Variants in PDE1A observed in about 807,000 individuals in gnomAD.
PDE1A encodes dual specificity calcium/calmodulin-dependent 3',5'-cyclic nucleotide phosphodiesterase 1A.
Under a neutral mutation model 61.7 loss-of-function variants are expected in PDE1A, and 35 were observed. That is an observed-to-expected ratio of 0.57 (90% CI 0.43 to 0.75). The LOEUF (loss-of-function observed/expected upper bound fraction) is 0.75, where lower values mean the gene tolerates loss of function less well. PDE1A is among the 30% of genes least tolerant of loss of function. The pLI is 0.00. For synonymous variants in PDE1A, 232 were observed against 213.2 expected, an observed-to-expected ratio of 1.09 and a Z score of -0.77; for missense variants, 597 against 630.6, an observed-to-expected ratio of 0.95 and a Z score of 0.57.
chr2:182,462,022 G>A (rs1485210383), intron 2 of PDE1A, among the ~76,000 whole-genome samples: 2 of 152,094 alleles, frequency 1.3e-5, no homozygotes, highest in South Asian at 4.2e-4. Flanking sequence ...TAAACCAAGG[G>A]GGCTCATTCT....
chr2:182,225,688 T>C (rs766756459), intron 6 of PDE1A, among the ~76,000 whole-genome samples: 1 of 139,244 alleles, frequency 7.2e-6, no homozygotes, highest in Non-Finnish European at 1.5e-5. Flanking sequence ...GGTTAATGTA[T>C]GCACTGCACC....
At chr2:182,292,110 C>CT (rs537338919) in intron 1 of PDE1A, among the ~76,000 whole-genome samples, 23 of 151,974 alleles carry the variant, frequency 1.5e-4, no homozygotes, top group Non-Finnish European at 2.2e-4. Flanking sequence ...AAGAAATATT[C>CT]TTTTTGAAAT....
chr2:182,332,974 A>C (rs769771288), intron 1 of PDE1A, among the ~76,000 whole-genome samples: 1 of 152,248 alleles, frequency 6.6e-6, no homozygotes, highest in Non-Finnish European at 1.5e-5. Flanking sequence ...ATATCAGCAT[A>C]GGCAAAGAAG....
intron 2 of PDE1A, among the ~76,000 whole-genome samples, chr2:182,486,513 G>A (rs1171829100): frequency 6.6e-6 from 1 of 152,022 alleles, no homozygotes; most frequent in Non-Finnish European, 1.5e-5. Flanking sequence ...AAAGAACAAA[G>A]TTGGAGGATT....
intron 2 of PDE1A, among the ~76,000 whole-genome samples, chr2:182,258,733 T>C (rs1692005485): frequency 6.6e-6 from 1 of 152,236 alleles, no homozygotes; most frequent in Admixed American, 6.5e-5. Context: ...CCTGCAAGTC[T>C]AGAAGTCTAG....
intron 1 of PDE1A, among the ~76,000 whole-genome samples, chr2:182,297,777 A>T (rs1176915039): frequency 2.6e-5 from 4 of 152,102 alleles, no homozygotes; most frequent in African/African-American, 7.2e-5. Context: ...TTCCAGAATC[A>T]CACCTTGATT....
chr2:182,218,659 T>TATCA (rs2125583542), intron 7 of PDE1A, among the ~76,000 whole-genome samples: 1 of 152,236 alleles, frequency 6.6e-6, no homozygotes, highest in East Asian at 1.9e-4. Context: ...TTGGAGTTTA[T>TATCA]ATCATAAACG....
intron 8 of PDE1A, among the ~76,000 whole-genome samples, chr2:182,203,567 A>ATG (rs1422079133): frequency 6.6e-6 from 1 of 152,226 alleles, no homozygotes; most frequent in African/African-American, 2.4e-5. Flanking sequence ...GCTAAGGAAA[A>ATG]TGAGATTAGA....
intron 2 of PDE1A, among the ~76,000 whole-genome samples, chr2:182,464,253 A>C (rs1686504843): frequency 6.6e-6 from 1 of 152,140 alleles, no homozygotes; most frequent in African/African-American, 2.4e-5. Context: ...GCATGGTAAG[A>C]AAGACTTTAC....
downstream of PDE1A, among the ~76,000 whole-genome samples, chr2:182,144,180 T>C (rs1007742065): frequency 5.3e-5 from 8 of 152,182 alleles, no homozygotes; most frequent in African/African-American, 2.4e-5. Flanking sequence ...ACACTCAACG[T>C]TAAAGAGTAG....
chr2:182,518,247 A>C (rs1460469992), intron 2 of PDE1A, among the ~76,000 whole-genome samples: 1 of 152,144 alleles, frequency 6.6e-6, no homozygotes, highest in East Asian at 1.9e-4. Flanking sequence ...TTTTTATTTT[A>C]AATGTATATT....
chr2:182,644,263 C>CTGTGTGTGTGTGTGTGTGTGTG, the PDE1A span, among the ~76,000 whole-genome samples: 93 of 123,126 alleles, frequency 7.6e-4, 1 homozygote, highest in African/African-American at 2.5e-3. Context: ...TCTTAAGACT[C>CTGTGTGTGTGTGTGTGTGTGTG]TGTGTGTGTG....
intron 1 of PDE1A, among the ~76,000 whole-genome samples, chr2:182,336,960 C>CTT (rs71008221): frequency 0.052 from 7,536 of 146,050 alleles, 638 homozygotes; most frequent in African/African-American, 0.18. Context: ...ACATGTATCC[C>CTT]TTTTTTTTTT....
At chr2:182,580,726 TTAC>T in the PDE1A span, among the ~76,000 whole-genome samples, 2 of 152,182 alleles carry the variant, frequency 1.3e-5, no homozygotes, top group African/African-American at 4.8e-5. Flanking sequence ...TTTAAATGTA[TTAC>T]TAAGAGCCAA....
intron 1 of PDE1A, among the ~76,000 whole-genome samples, chr2:182,370,272 A>G (rs1700059015): frequency 6.6e-6 from 1 of 152,236 alleles, no homozygotes; most frequent in South Asian, 2.1e-4. Flanking sequence ...TGGCTGATTA[A>G]TTAGTTAAAC....
rs998072977 is a variant in PDE1A at position 182,186,045 on chromosome 2, C to T, written c.1363G>A (p.Ala455Thr). ...CCTTTTGTATTTGATCGTCTTAGTG[C>T]ATCAGCAATGTGTAACCCCACAATG... The change falls in exon 13 of 14, where the codon GCA (alanine) becomes ACA (threonine). Residue 455 changes from alanine to threonine, a missense_variant. Coordinates refer to ENST00000351439, the Ensembl canonical transcript of PDE1A. 3.1e-6 allele frequency: 5 copies of T among 1,613,916 alleles called. No individual in the cohort carries two copies. The East Asian group carries it at 8.9e-5, about 29-fold the overall frequency.
chr2:182,601,758 C>T, the PDE1A span, among the ~76,000 whole-genome samples: 7 of 152,172 alleles, frequency 4.6e-5, no homozygotes, highest in Non-Finnish European at 8.8e-5. Context: ...CCCATGCCAT[C>T]CTCTCTGCAG....
intron 2 of PDE1A, among the ~76,000 whole-genome samples, chr2:182,499,798 G>T (rs1470419334): frequency 6.6e-6 from 1 of 152,074 alleles, no homozygotes; most frequent in African/African-American, 2.4e-5. Flanking sequence ...CCTATCTCAG[G>T]AACTATTGGA....
At chr2:182,658,070 AAAC>A in the PDE1A span, among the ~76,000 whole-genome samples, 9 of 112,702 alleles carry the variant, frequency 8.0e-5, no homozygotes, top group East Asian at 2.6e-4. Flanking sequence ...AAAAAAAAAA[AAAC>A]AAAAAAACTT....
Sources: allele counts gnomAD v4.1 joint callset (sites outside exome capture counted in the v4.1 genomes callset), GRCh38; gene constraint gnomAD v4.1.1; transcripts MANE v1.5; gene names NCBI Gene and HGNC (gene_info 2026-07-23, HGNC 2026-07-21).